Variants in GALNT17 observed in about 807,000 individuals in gnomAD.
The protein encoded by GALNT17 is UDP-GalNAc:polypeptide N-acetylgalactosaminyltransferase-like 3.
GALNT17 carries 29 observed loss-of-function variants against 63.7 expected under a neutral mutation model. That is an observed-to-expected ratio of 0.46 (90% CI 0.34 to 0.62). The LOEUF is 0.62. Among genes scored for constraint, GALNT17 ranks in the 20% least tolerant of loss-of-function variants. The pLI is 0.01. For synonymous variants in GALNT17, 305 were observed against 318.3 expected, an observed-to-expected ratio of 0.96 and a Z score of 0.45; for missense variants, 603 against 799.6, an observed-to-expected ratio of 0.75 and a Z score of 2.97.
intron 1 of GALNT17, among the ~76,000 whole-genome samples, chr7:71,189,133 T>C (rs1420423978): frequency 1.3e-5 from 2 of 152,292 alleles, no homozygotes; most frequent in South Asian, 2.1e-4. Context: ...AATTGAATCA[T>C]GGGGCAGTGT....
intron 2 of GALNT17, among the ~76,000 whole-genome samples, chr7:71,367,935 G>T (rs1258151922): frequency 6.6e-6 from 1 of 151,738 alleles, no homozygotes; most frequent in Non-Finnish European, 1.5e-5. Context: ...GAACTAGCAG[G>T]TCACCAGCCA....
chr7:71,537,949 A>C (rs1788827002), intron 5 of GALNT17, among the ~76,000 whole-genome samples: 1 of 152,182 alleles, frequency 6.6e-6, no homozygotes, highest in Non-Finnish European at 1.5e-5. Flanking sequence ...CAGAGACTAC[A>C]AGAGCCAAGA....
rs796874100 is a variant in GALNT17, at chr7:71,464,902, C to T, written c.962+43797C>T. On this transcript the variant is annotated intron_variant, in intron 5 of 10. Coordinates refer to ENST00000333538, the MANE Select transcript of GALNT17 (RefSeq NM_022479.3). ...ACTTGCACTGCTCAGTGCAGGACAGCCAATAAGTAAAGAGACAAGGTGTTG... is the reference window on the plus strand; with the variant it reads ...ACTTGCACTGCTCAGTGCAGGACAGTCAATAAGTAAAGAGACAAGGTGTTG... 2.4e-4 allele frequency among the ~76,000 whole-genome samples: 36 copies of T among 152,198 alleles called. 1 individual carries two copies. Among genetic ancestry groups the T allele is most frequent in the African/African-American group, 8.2e-4 (34 of 41,540 alleles).
At chr7:71,649,757 A>C (rs532555379) in intron 6 of GALNT17, among the ~76,000 whole-genome samples, 13 of 152,192 alleles carry the variant, frequency 8.5e-5, no homozygotes, top group Non-Finnish European at 1.6e-4. Context: ...AATAGTTAGC[A>C]ACTGCAGGGA....
At chr7:71,555,812 T>C (rs990597370) in intron 5 of GALNT17, among the ~76,000 whole-genome samples, 1 of 152,248 alleles carries the variant, frequency 6.6e-6, no homozygotes, top group Admixed American at 6.5e-5. Flanking sequence ...GCTTCACCGG[T>C]CTGCTGTCCT....
intron 3 of GALNT17, among the ~76,000 whole-genome samples, chr7:71,405,346 G>A (rs1793309811): frequency 6.6e-6 from 1 of 152,182 alleles, no homozygotes; most frequent in Non-Finnish European, 1.5e-5. Flanking sequence ...AGTACCTCAG[G>A]TTGGGCATTG....
intron 2 of GALNT17, among the ~76,000 whole-genome samples, chr7:71,383,039 T>C (rs2116324882): frequency 6.6e-6 from 1 of 152,266 alleles, no homozygotes; most frequent in South Asian, 2.1e-4. Flanking sequence ...ATAACCTCTT[T>C]TCTATTTTCT....
intron 1 of GALNT17, among the ~76,000 whole-genome samples, chr7:71,207,138 A>C (rs1487418205): frequency 2.0e-5 from 3 of 151,904 alleles, no homozygotes; most frequent in Non-Finnish European, 4.4e-5. Flanking sequence ...TCAGTAGCAG[A>C]ATCAACCAGC....
In GALNT17 at chr7:71,664,030, A is replaced by G. The variant is rs547156054; in HGVS notation, c.1081-1381A>G. 2.0e-5 allele frequency among the ~76,000 whole-genome samples: 3 copies of G among 151,186 alleles called. 1 individual carries two copies. The highest frequency in any genetic ancestry group is 4.2e-4 in the South Asian group (2 of 4,796). On this transcript the variant is annotated intron_variant, in intron 6 of 10. Coordinates refer to ENST00000333538, the MANE Select transcript of GALNT17 (RefSeq NM_022479.3). Reference sequence around the variant, plus strand: ...CCATAAATTAATTTTTTTTTTTACAATAAGGTTTTTTTTTTTTTTCCCACC... The same window carrying G: ...CCATAAATTAATTTTTTTTTTTACAGTAAGGTTTTTTTTTTTTTTCCCACC...
At chr7:71,411,501 A>G (rs1375827545) in intron 3 of GALNT17, among the ~76,000 whole-genome samples, 2 of 152,110 alleles carry the variant, frequency 1.3e-5, no homozygotes, top group Non-Finnish European at 2.9e-5. Flanking sequence ...TTACTTGGCT[A>G]ATTTATAGAC....
At chr7:71,556,306 T>G (rs1040903214) in intron 5 of GALNT17, among the ~76,000 whole-genome samples, 1 of 152,188 alleles carries the variant, frequency 6.6e-6, no homozygotes. Flanking sequence ...TTGTATTTGC[T>G]GAAGTGGTGT....
At chr7:71,481,354 G>A (rs1356502780) in intron 5 of GALNT17, among the ~76,000 whole-genome samples, 1 of 152,192 alleles carries the variant, frequency 6.6e-6, no homozygotes, top group Non-Finnish European at 1.5e-5. Context: ...GGGAGGCTGA[G>A]GCAGGAGAAT....
intron 2 of GALNT17, among the ~76,000 whole-genome samples, chr7:71,377,114 A>AAAAAATATATATATATATATAT: frequency 7.0e-5 from 4 of 57,460 alleles, no homozygotes; most frequent in South Asian, 4.4e-4. Context: ...AAATAAAAAA[A>AAAAAATATATATATATATATAT]ATATATATAT....
chr7:71,710,497 G>A (rs545223101), intron 9 of GALNT17, among the ~76,000 whole-genome samples: 2 of 152,288 alleles, frequency 1.3e-5, no homozygotes, highest in Non-Finnish European at 2.9e-5. Context: ...AACAGAGTGA[G>A]ACTCCATCTC....
intron 5 of GALNT17, among the ~76,000 whole-genome samples, chr7:71,482,081 ATGTGTGTG>A (rs10678512): frequency 7.2e-6 from 1 of 138,258 alleles, no homozygotes; most frequent in African/African-American, 2.8e-5. Context: ...ATATATGTAT[ATGTGTGTG>A]TGTGTGTGTG....
At chr7:71,629,283 A>G (rs1322203743) in intron 6 of GALNT17, among the ~76,000 whole-genome samples, 1 of 152,132 alleles carries the variant, frequency 6.6e-6, no homozygotes, top group Non-Finnish European at 1.5e-5. Flanking sequence ...GAGCCAGCCC[A>G]CAATCCTGCG....
chr7:71,529,796 G>A (rs944025286), intron 5 of GALNT17, among the ~76,000 whole-genome samples: 1 of 152,180 alleles, frequency 6.6e-6, no homozygotes, highest in Non-Finnish European at 1.5e-5. Context: ...GCACAACTAG[G>A]TAATTAATAA....
intron 5 of GALNT17, among the ~76,000 whole-genome samples, chr7:71,510,397 G>A (rs1788337647): frequency 6.6e-6 from 1 of 152,096 alleles, no homozygotes; most frequent in African/African-American, 2.4e-5. Context: ...CCCAGCCCTA[G>A]ACAATCACTA....
chr7:71,479,943 A>C (rs928670212), intron 5 of GALNT17, among the ~76,000 whole-genome samples: 4 of 152,152 alleles, frequency 2.6e-5, no homozygotes, highest in Non-Finnish European at 5.9e-5. Flanking sequence ...TTTGAAATAC[A>C]TGCAAAAGGT....
Sources: allele counts gnomAD v4.1 joint callset (sites outside exome capture counted in the v4.1 genomes callset), GRCh38; gene constraint gnomAD v4.1.1; transcripts MANE v1.5; gene names NCBI Gene and HGNC (gene_info 2026-07-23, HGNC 2026-07-21).